Variants in ZFHX3 observed in about 807,000 individuals in gnomAD.
The protein encoded by ZFHX3 is zinc finger homeobox 3.
A neutral mutation model predicts 279.1 loss-of-function variants in ZFHX3; 42 were observed. That is an observed-to-expected ratio of 0.15 (90% CI 0.12 to 0.19). The LOEUF (loss-of-function observed/expected upper bound fraction) is 0.19, where lower values mean the gene tolerates loss of function less well. ZFHX3 is among the 10% of genes least tolerant of loss of function. The pLI is 1.00. For missense variants in ZFHX3, 4,981 were observed against 4,754.0 expected, an observed-to-expected ratio of 1.05 and a Z score of -1.40; for synonymous variants, 2,293 against 1,957.8, an observed-to-expected ratio of 1.17 and a Z score of -4.52.
At chr16:73,036,577 G>A (rs969990759) in intron 1 of ZFHX3, among the ~76,000 whole-genome samples, 3 of 152,012 alleles carry the variant, frequency 2.0e-5, no homozygotes, top group Non-Finnish European at 2.9e-5. Flanking sequence ...TTGAAAAGGC[G>A]CAGGGAGGAG....
chr16:73,112,391 A>G (rs1327218717), intron 7 of ZFHX3, among the ~76,000 whole-genome samples: 1 of 152,068 alleles, frequency 6.6e-6, no homozygotes, highest in Non-Finnish European at 1.5e-5. Context: ...AAAGGATGAC[A>G]ACAAAGCCAG....
intron 5 of ZFHX3, among the ~76,000 whole-genome samples, chr16:73,202,744 T>G (rs553655700): frequency 6.6e-6 from 1 of 152,200 alleles, no homozygotes; most frequent in East Asian, 1.9e-4. Context: ...CTCTTTGCCT[T>G]TGATTTTGCA....
chr16:73,698,186 A>G (rs1471153753), intron 1 of ZFHX3, among the ~76,000 whole-genome samples: 1 of 151,896 alleles, frequency 6.6e-6, no homozygotes, highest in African/African-American at 2.4e-5. Flanking sequence ...ACAATTTGAG[A>G]AAAAAAAATT....
At chr16:73,334,476 C>T (rs1279159914) in intron 3 of ZFHX3, among the ~76,000 whole-genome samples, 3 of 152,152 alleles carry the variant, frequency 2.0e-5, no homozygotes, top group Admixed American at 6.5e-5. Flanking sequence ...CAGGAGACCA[C>T]TTCAGCTCTT....
At chr16:73,646,937 A>C (rs1460694638) in intron 2 of ZFHX3, among the ~76,000 whole-genome samples, 2 of 152,034 alleles carry the variant, frequency 1.3e-5, no homozygotes, top group African/African-American at 4.8e-5. Flanking sequence ...AAAGAACGTA[A>C]TTACGCAGGG....
intron 1 of ZFHX3, among the ~76,000 whole-genome samples, chr16:73,005,315 T>C (rs1337381334): frequency 6.7e-6 from 1 of 148,834 alleles, no homozygotes; most frequent in East Asian, 2.0e-4. Context: ...CCAACAATGG[T>C]GAAACCCAGT....
At chr16:73,089,539 A>G (rs1966046575) in intron 8 of ZFHX3, among the ~76,000 whole-genome samples, 1 of 152,350 alleles carries the variant, frequency 6.6e-6, no homozygotes, top group Middle Eastern at 3.4e-3. Flanking sequence ...AATGCAAGCA[A>G]CATCAGGGAT....
In ZFHX3 at chr16:73,538,430, G is replaced by A. The variant is rs182515722; in HGVS notation, c.-1546-82172C>T. On this transcript the variant is annotated intron_variant, in intron 2 of 17. Transcript: ENST00000641206. ...CTCTGAAGGTATCATCATTAATTGC[G>A]TGAAGTACATCATTAATTGCATTTT... is the stretch of plus-strand genomic sequence containing the variant. Among the ~76,000 whole-genome samples the A allele has an allele frequency of 7.0e-4, 107 of 152,176 alleles. 1 individual carries two copies. The highest frequency in any genetic ancestry group is 2.4e-3 in the African/African-American group (100 of 41,506).
intron 3 of ZFHX3, among the ~76,000 whole-genome samples, chr16:73,448,933 C>T (rs2018238321): frequency 6.6e-6 from 1 of 151,960 alleles, no homozygotes; most frequent in Admixed American, 6.6e-5. Context: ...CAGTCTTTTC[C>T]ATAACATCCA....
At position 73,113,793 on chromosome 16, in the gene ZFHX3, C is replaced by CTTTTTTT. The variant is rs71391487; in HGVS notation, c.-897+17168_-897+17174dup. On this transcript the variant is annotated intron_variant, in intron 7 of 17. Coordinates refer to the ZFHX3 transcript ENST00000641206. Reference sequence around the variant, plus strand: ...CATGACCAAGACTCTTTTTTGGAAACTTTTTTTTTTTTTTTTTTTTAGACA... The same window carrying CTTTTTTT: ...CATGACCAAGACTCTTTTTTGGAAACTTTTTTTTTTTTTTTTTTTTTTTTTTTAGACA... Among the ~76,000 whole-genome samples, 47 of 102,980 alleles carry CTTTTTTT rather than the reference C, an allele frequency of 4.6e-4. 2 individuals are homozygous for CTTTTTTT. The highest frequency in any genetic ancestry group is 5.8e-4 in the Non-Finnish European group (32 of 55,150). The allele number at this position is 102,980 out of a possible 152,430, so 67.6% of individuals were successfully genotyped here. A position where few individuals can be genotyped will look rare whatever the true frequency, so the allele number is the denominator to read the frequency against.
chr16:73,198,663 T>G (rs1344418473), intron 5 of ZFHX3, among the ~76,000 whole-genome samples: 1 of 152,178 alleles, frequency 6.6e-6, no homozygotes, highest in African/African-American at 2.4e-5. Flanking sequence ...GACCTCCAGA[T>G]TCAGTTGGTG....
chr16:73,431,699 T>C (rs1195631772), intron 3 of ZFHX3, among the ~76,000 whole-genome samples: 1 of 152,204 alleles, frequency 6.6e-6, no homozygotes, highest in Non-Finnish European at 1.5e-5. Context: ...AATTCCATGA[T>C]TTATTTCCTT....
At chr16:73,595,013 G>C (rs1306379039) in intron 2 of ZFHX3, among the ~76,000 whole-genome samples, 2 of 152,212 alleles carry the variant, frequency 1.3e-5, no homozygotes, top group East Asian at 3.9e-4. Flanking sequence ...GGTCTCTAAG[G>C]GAACATGGTC....
intron 3 of ZFHX3, among the ~76,000 whole-genome samples, chr16:73,354,328 G>C (rs912164656): frequency 6.6e-6 from 1 of 152,182 alleles, no homozygotes; most frequent in African/African-American, 2.4e-5. Flanking sequence ...TGAAATGTAA[G>C]GTCCCGAGTG....
rs781216575 is a variant in ZFHX3, at chr16:72,788,068, A to T, written c.10208T>A (p.Val3403Asp). The T allele has an allele frequency of 2.5e-6, 4 of 1,609,010 alleles. No individual in the cohort carries two copies. In the South Asian group the frequency reaches 4.4e-5, roughly 18 times the overall value. Residue 3403 changes from valine to aspartate, a missense_variant, in exon 10 of 10, where the codon GTC becomes GAC. Physicochemically the swap from Val to Asp is radical, Grantham distance 152. Transcript: ENST00000268489. ...QQQPKASQTP[V>D]PPGAPSPDKD... The stretch of plus-strand genomic sequence containing the variant: ...GTCTGGGGAAGGAGCCCCGGGGGGG[A>T]CTGGGGTTTGGCTTGCTTTGGGCTG...
chr16:73,756,030 T>G (rs1397003738), intron 1 of ZFHX3, among the ~76,000 whole-genome samples: 3 of 152,302 alleles, frequency 2.0e-5, no homozygotes, highest in Non-Finnish European at 2.9e-5. Flanking sequence ...AAAATTAGAT[T>G]GGCTTCTATT....
intron 1 of ZFHX3, among the ~76,000 whole-genome samples, chr16:73,034,962 C>G (rs565825556): frequency 6.6e-6 from 1 of 152,298 alleles, no homozygotes; most frequent in South Asian, 2.1e-4. Context: ...CAGCTGGTCA[C>G]AGGGGTGATG....
chr16:72,942,178 T>C (rs1960440312), intron 3 of ZFHX3, among the ~76,000 whole-genome samples: 1 of 152,222 alleles, frequency 6.6e-6, no homozygotes, highest in Admixed American at 6.5e-5. Context: ...GTCCAAGTCC[T>C]CAGCAAGTTG....
At chr16:73,352,474 C>CTTTT (rs35974156) in intron 3 of ZFHX3, among the ~76,000 whole-genome samples, 12 of 53,276 alleles carry the variant, frequency 2.3e-4, no homozygotes, top group East Asian at 9.8e-4. Context: ...CTCTCTCTCT[C>CTTTT]TTTTTTTTTT....
Sources: gnomAD v4.1 joint callset for allele counts (sites outside exome capture counted in the v4.1 genomes callset) on GRCh38, gnomAD v4.1.1 for gene constraint, MANE v1.5 for transcripts, NCBI Gene and HGNC (gene_info 2026-07-23, HGNC 2026-07-21) for gene names.